Variants in SNTG1 observed in about 807,000 individuals in gnomAD.
SNTG1 encodes the protein syntrophin gamma 1.
In SNTG1, 39 loss-of-function variants were observed where a neutral mutation model predicts 74.7. The observed-to-expected ratio is 0.52, with a 90% CI of 0.40 to 0.68. The LOEUF (loss-of-function observed/expected upper bound fraction) is 0.68. Ranked by LOEUF, SNTG1 falls within the 30% of genes least tolerant of loss-of-function variation. SNTG1 has a pLI of 0.00. For missense variants in SNTG1, 685 were observed against 609.5 expected, an observed-to-expected ratio of 1.12 and a Z score of -1.30; for synonymous variants, 254 against 217.1, an observed-to-expected ratio of 1.17 and a Z score of -1.49.
At chr8:50,115,576 A>AAAAAAAAAAAAAC (rs1482375164) in intron 1 of SNTG1, among the ~76,000 whole-genome samples, 1 of 82,800 alleles carries the variant, frequency 1.2e-5, no homozygotes, top group East Asian at 7.0e-4. Context: ...TCAAAAAAAA[A>AAAAAAAAAAAAAC]AAAAAAAAAA....
chr8:50,687,056 A>C (rs2095355408), intron 15 of SNTG1, among the ~76,000 whole-genome samples: 1 of 150,928 alleles, frequency 6.6e-6, no homozygotes, highest in South Asian at 2.1e-4. Flanking sequence ...AATGGCGTGA[A>C]CCCGGGAAGC....
chr8:49,955,797 C>A (rs1357493099), intron 1 of SNTG1, among the ~76,000 whole-genome samples: 2 of 152,162 alleles, frequency 1.3e-5, no homozygotes, highest in Non-Finnish European at 2.9e-5. Flanking sequence ...ATGAAAAGGG[C>A]TCTGTATTCC....
At chr8:50,430,626 T>A (rs570715899) in intron 4 of SNTG1, among the ~76,000 whole-genome samples, 8 of 152,134 alleles carry the variant, frequency 5.3e-5, no homozygotes, top group Non-Finnish European at 1.0e-4. Context: ...TTCTAAGGGG[T>A]GTTTTATTGG....
At chr8:50,102,380 T>A (rs1431468637) in intron 1 of SNTG1, among the ~76,000 whole-genome samples, 1 of 151,840 alleles carries the variant, frequency 6.6e-6, no homozygotes, top group Non-Finnish European at 1.5e-5. Context: ...TCTGTTCATG[T>A]CCTTCACCCA....
intron 2 of SNTG1, among the ~76,000 whole-genome samples, chr8:50,174,736 G>T (rs946926518): frequency 6.6e-5 from 10 of 152,174 alleles, no homozygotes; most frequent in Non-Finnish European, 1.2e-4. Flanking sequence ...TATACTTTAA[G>T]TTTTAGGGTA....
intron 1 of SNTG1, among the ~76,000 whole-genome samples, chr8:50,027,314 C>A (rs1486387453): frequency 6.6e-6 from 1 of 152,068 alleles, no homozygotes; most frequent in African/African-American, 2.4e-5. Context: ...CAGCTGGTAA[C>A]CAGGTGTTGT....
At chr8:50,777,105 C>T (rs974113201) in intron 18 of SNTG1, among the ~76,000 whole-genome samples, 18 of 151,640 alleles carry the variant, frequency 1.2e-4, no homozygotes, top group African/African-American at 3.9e-4. Context: ...TCTCTTAAAT[C>T]TATAGGATGT....
intron 2 of SNTG1, among the ~76,000 whole-genome samples, chr8:50,221,109 A>T (rs2085040895): frequency 6.6e-6 from 1 of 151,990 alleles, no homozygotes; most frequent in Non-Finnish European, 1.5e-5. Context: ...AATCATTAAA[A>T]CTCCTATATA....
chr8:50,424,018 G>A (rs371031401), intron 4 of SNTG1, among the ~76,000 whole-genome samples: 2 of 152,242 alleles, frequency 1.3e-5, no homozygotes, highest in African/African-American at 4.8e-5. Context: ...TAAGGTTTTA[G>A]ACAAGAACAT....
intron 1 of SNTG1, among the ~76,000 whole-genome samples, chr8:50,089,969 GC>G (rs1417147492): frequency 6.6e-6 from 1 of 152,170 alleles, no homozygotes; most frequent in Non-Finnish European, 1.5e-5. Context: ...AATGTTTATT[GC>G]GGCATTATTC....
At chr8:50,637,855 A>G (rs2095049054) in intron 13 of SNTG1, among the ~76,000 whole-genome samples, 1 of 152,154 alleles carries the variant, frequency 6.6e-6, no homozygotes, top group African/African-American at 2.4e-5. Flanking sequence ...ACAAGAGTTA[A>G]TTAAACATCA....
chr8:49,918,158 T>C (rs1015870766), intron 1 of SNTG1, among the ~76,000 whole-genome samples: 14 of 152,174 alleles, frequency 9.2e-5, no homozygotes, highest in African/African-American at 3.1e-4. Flanking sequence ...AAAAGGTTCA[T>C]CTTAATATGT....
At chr8:50,254,229 G>A (rs1387261211) in intron 2 of SNTG1, among the ~76,000 whole-genome samples, 5 of 152,060 alleles carry the variant, frequency 3.3e-5, no homozygotes, top group African/African-American at 9.7e-5. Flanking sequence ...TGTCAGAATT[G>A]GAACCATGAA....
intron 13 of SNTG1, among the ~76,000 whole-genome samples, chr8:50,636,686 A>G (rs2095041344): frequency 6.6e-6 from 1 of 151,968 alleles, no homozygotes; most frequent in South Asian, 2.1e-4. Flanking sequence ...TTTTCTTTCT[A>G]CCCTCTTTAG....
At chr8:50,273,247 T>G (rs1360742455) in intron 2 of SNTG1, among the ~76,000 whole-genome samples, 3 of 152,122 alleles carry the variant, frequency 2.0e-5, no homozygotes, top group African/African-American at 7.2e-5. Flanking sequence ...AATACAATTG[T>G]GAAGTTTCAT....
intron 9 of SNTG1, among the ~76,000 whole-genome samples, chr8:50,522,550 C>T (rs2094188060): frequency 1.3e-5 from 2 of 150,262 alleles, no homozygotes; most frequent in Admixed American, 6.6e-5. Flanking sequence ...TTCGCTGAAG[C>T]TTGGAAGGCA....
chr8:50,770,136 T>G (rs538182661), intron 18 of SNTG1, among the ~76,000 whole-genome samples: 1 of 152,176 alleles, frequency 6.6e-6, no homozygotes, highest in South Asian at 2.1e-4. Context: ...TTGATACTTA[T>G]GGACCATAAA....
At chr8:50,693,200 C>T (rs2095389852) in intron 15 of SNTG1, among the ~76,000 whole-genome samples, 1 of 152,186 alleles carries the variant, frequency 6.6e-6, no homozygotes, top group Admixed American at 6.5e-5. Flanking sequence ...CCTTGCACTT[C>T]CCGGGTGAGG....
At chr8:50,712,364 C>G (rs1245262615) in intron 17 of SNTG1, among the ~76,000 whole-genome samples, 1 of 151,986 alleles carries the variant, frequency 6.6e-6, no homozygotes, top group East Asian at 1.9e-4. Flanking sequence ...GGGTTTGAGA[C>G]AAAGGAAAGA....
Sources: allele counts gnomAD v4.1 joint callset (sites outside exome capture counted in the v4.1 genomes callset), GRCh38; gene constraint gnomAD v4.1.1; transcripts MANE v1.5; gene names NCBI Gene and HGNC (gene_info 2026-07-23, HGNC 2026-07-21).